TF: variants seen among roughly 807,000 people sequenced by gnomAD.
The protein encoded by TF is transferrin.
Under a neutral mutation model 82.4 loss-of-function variants are expected in TF, and 55 were observed. That is an observed-to-expected ratio of 0.67 (90% confidence interval 0.54 to 0.84). The LOEUF (loss-of-function observed/expected upper bound fraction) is 0.84. Among genes scored for constraint, TF ranks in the 40% least tolerant of loss-of-function variants. TF has a pLI of 0.00. For missense variants in TF, 737 were observed against 868.4 expected, an observed-to-expected ratio of 0.85 and a Z score of 1.90; for synonymous variants, 332 against 332.6, an observed-to-expected ratio of 1.00 and a Z score of 0.02.
chr3:133,683,898 C>T, the TF span, among the ~76,000 whole-genome samples: 4,651 of 152,298 alleles, frequency 0.031, 123 homozygotes, highest in African/African-American at 0.073. Context: ...ACAGAATATA[C>T]ATTCTTCTCA....
At chr3:133,718,915 CAT>C in the TF span, among the ~76,000 whole-genome samples, 622 of 152,230 alleles carry the variant, frequency 4.1e-3, 4 homozygotes, top group Non-Finnish European at 7.4e-3. Context: ...GAAGGAAAGA[CAT>C]AGGGTGGTGG....
At chr3:133,730,074 C>A in the TF span, among the ~76,000 whole-genome samples, 1 of 152,256 alleles carries the variant, frequency 6.6e-6, no homozygotes, top group Non-Finnish European at 1.5e-5. Flanking sequence ...GCACATCTAG[C>A]GAAATGAGCT....
the TF span, among the ~76,000 whole-genome samples, chr3:133,734,320 A>T: frequency 6.6e-6 from 1 of 152,208 alleles, no homozygotes; most frequent in Non-Finnish European, 1.5e-5. Context: ...AGAGAAGGAG[A>T]TTCTAGAAAT....
the TF span, among the ~76,000 whole-genome samples, chr3:133,728,915 T>A: frequency 6.6e-6 from 1 of 152,194 alleles, no homozygotes; most frequent in African/African-American, 2.4e-5. Flanking sequence ...TTGCTAGAGG[T>A]CCACTCCAGA....
the TF span, among the ~76,000 whole-genome samples, chr3:133,730,896 TA>T: frequency 6.6e-6 from 1 of 152,166 alleles, no homozygotes; most frequent in East Asian, 1.9e-4. Context: ...GATGCTACCC[TA>T]GGGGGTTGGT....
chr3:133,775,087 C>T (rs974759277), intron 14 of TF: 3 of 368,978 alleles, frequency 8.1e-6, no homozygotes, highest in African/African-American at 4.2e-5. Flanking sequence ...TGGCTTAGAG[C>T]GTCACATTCT....
At chr3:133,752,706 T>C (rs183907804) in intron 2 of TF, among the ~76,000 whole-genome samples, 2 of 152,162 alleles carry the variant, frequency 1.3e-5, no homozygotes, top group African/African-American at 4.8e-5. Flanking sequence ...AAACCCGGAA[T>C]GTCTGCACTG....
chr3:133,684,724 C>A, the TF span, among the ~76,000 whole-genome samples: 1 of 152,106 alleles, frequency 6.6e-6, no homozygotes, highest in African/African-American at 2.4e-5. Context: ...AGCCTACCAA[C>A]CAAAAAAAGT....
rs1479790851 is a variant in TF, at chr3:133,793,293, A to G, written c.*14673A>G. On this transcript the variant is annotated 3_prime_UTR_variant, in exon 17 of 17. Transcript: ENST00000402696. ...TCATCATTTTGCTAAATGAATGACTATGGTAACCTGGAATTCCATTTCATA... is the reference window on the plus strand; with the variant it reads ...TCATCATTTTGCTAAATGAATGACTGTGGTAACCTGGAATTCCATTTCATA... 1 of 152,162 alleles carries G rather than the reference A, an allele frequency of 6.6e-6. No homozygotes were observed. The highest frequency in any genetic ancestry group is 2.4e-5 in the African/African-American group (1 of 41,454). 9.4% of individuals were successfully genotyped at this position (152,162 alleles called of 1,614,324 possible).
the TF span, among the ~76,000 whole-genome samples, chr3:133,699,029 A>T: frequency 1.3e-5 from 2 of 152,238 alleles, no homozygotes; most frequent in African/African-American, 2.4e-5. Flanking sequence ...AGTTACCTTA[A>T]GTCTCTGAGT....
chr3:133,719,787 A>G, the TF span, among the ~76,000 whole-genome samples: 1 of 152,126 alleles, frequency 6.6e-6, no homozygotes, highest in Non-Finnish European at 1.5e-5. Flanking sequence ...AATTTTCTTC[A>G]TCACAGTTTT....
chr3:133,671,718 A>G, the TF span, among the ~76,000 whole-genome samples: 1 of 150,994 alleles, frequency 6.6e-6, no homozygotes, highest in Non-Finnish European at 1.5e-5. Flanking sequence ...ACTTGAACCC[A>G]GGAGGCGGAG....
At chr3:133,762,794 A>G (rs539426485) in intron 9 of TF, among the ~76,000 whole-genome samples, 1 of 152,236 alleles carries the variant, frequency 6.6e-6, no homozygotes, top group Non-Finnish European at 1.5e-5. Flanking sequence ...AAAGAATTTA[A>G]TACACATTAC....
intron 2 of TF, 123 bp from the exon 3 acceptor site, chr3:133,753,472 G>A: frequency 7.6e-6 from 6 of 791,514 alleles, no homozygotes; most frequent in Non-Finnish European, 1.1e-5. Context: ...GGCTGTGCGT[G>A]GTCTAGTCAA....
At chr3:133,675,772 C>T in the TF span, among the ~76,000 whole-genome samples, 2 of 152,104 alleles carry the variant, frequency 1.3e-5, no homozygotes, top group East Asian at 1.9e-4. Flanking sequence ...CTTTTTTGCC[C>T]CTGACTTCTC....
chr3:133,722,981 T>C, the TF span, among the ~76,000 whole-genome samples: 1 of 152,234 alleles, frequency 6.6e-6, no homozygotes. Flanking sequence ...TGAATTCTCT[T>C]AACTTTTGCT....
At chr3:133,705,617 C>T in the TF span, among the ~76,000 whole-genome samples, 5 of 152,292 alleles carry the variant, frequency 3.3e-5, no homozygotes, top group Non-Finnish European at 7.4e-5. Context: ...CCCACTGATA[C>T]CCAATGATAC....
intron 16 of TF, chr3:133,778,291 C>T (rs1006936836): frequency 2.0e-5 from 7 of 357,702 alleles, no homozygotes; most frequent in East Asian, 6.8e-5. Flanking sequence ...TCTTCCTGGG[C>T]GACTCCTGGC....
chr3:133,733,773 C>T, the TF span, among the ~76,000 whole-genome samples: 1 of 152,088 alleles, frequency 6.6e-6, no homozygotes, highest in African/African-American at 2.4e-5. Context: ...CTTCACAGTC[C>T]TGTAGAGGAG....
Sources: gnomAD v4.1 joint callset for allele counts (sites outside exome capture counted in the v4.1 genomes callset) on GRCh38, gnomAD v4.1.1 for gene constraint, MANE v1.5 for transcripts, NCBI Gene and HGNC (gene_info 2026-07-23, HGNC 2026-07-21) for gene names.